The following GRSF1 variants were observed in gnomAD, a reference collection of about 807,000 sequenced individuals.
The protein encoded by GRSF1 is G-rich sequence factor 1.
In GRSF1, 50 loss-of-function variants were observed where a neutral mutation model predicts 51.1. That is an observed-to-expected ratio of 0.98 (90% CI 0.78 to 1.24). The LOEUF (loss-of-function observed/expected upper bound fraction) is 1.24. GRSF1 is among the 50% of genes most tolerant of loss of function. The pLI is 0.00. For synonymous variants in GRSF1, 293 were observed against 253.3 expected (o/e 1.16, Z -1.49); for missense variants, 700 against 639.7 (o/e 1.09, Z -1.02).
At chr4:70,839,949 T>C (rs960785383), upstream of GRSF1, 12 of 727,406 alleles carry the variant, frequency 1.6e-5, no homozygotes, top group Non-Finnish European at 2.4e-5. Flanking sequence ...GGGCACTGGG[T>C]GGGGGGCCTC....
Position 70,839,868 on chromosome 4 carries a change from A to G in GRSF1, c.-41T>C. The stretch of plus-strand genomic sequence containing the variant: ...CGCAGGGCCTGAAGGCAGCTGCTCC[A>G]GCAGCGATGGTGGAACGGAAGTGGA... On this transcript the variant is annotated 5_prime_UTR_variant, in exon 1 of 10. Coordinates refer to ENST00000254799, the MANE Select transcript of GRSF1 (RefSeq NM_002092.4). 1 of 1,434,386 alleles carries G rather than the reference A, an allele frequency of 7.0e-7. No individual in the cohort carries two copies. The highest frequency in any genetic ancestry group is 9.1e-7 in the Non-Finnish European group (1 of 1,102,338). 88.9% of individuals were successfully genotyped at this position (1,434,386 alleles called of 1,614,324 possible). A position where few individuals can be genotyped will look rare whatever the true frequency, so the allele number is the denominator to read the frequency against.
chr4:70,834,438 C>A (rs974363727), intron 2 of GRSF1, among the ~76,000 whole-genome samples: 34 of 152,190 alleles, frequency 2.2e-4, no homozygotes, highest in East Asian at 1.9e-4. Flanking sequence ...TTTCCACTGA[C>A]AGGCTTGACT....
rs1013973899 is a variant in GRSF1, at chr4:70,817,000, A to G, written c.*3887T>C. The G allele has an allele frequency of 6.6e-6, 1 of 152,108 alleles. No individual in the cohort carries two copies. Among genetic ancestry groups the G allele is most frequent in the Non-Finnish European group, 1.5e-5 (1 of 68,024 alleles). The allele number at this position is 152,108 out of a possible 1,614,324, so 9.4% of individuals were successfully genotyped here. A position where few individuals can be genotyped will look rare whatever the true frequency, so the allele number is the denominator to read the frequency against. ...AAATAGCATGTACAGTATAATTTAT[A>G]TTTTTAAAAGAAATGACAACACCCA... On this transcript the variant is annotated 3_prime_UTR_variant, in exon 10 of 10. Transcript: ENST00000254799.
intron 1 of GRSF1, 116 bp downstream of exon 1, chr4:70,839,355 G>GACGCGGA (rs1734362941): frequency 6.6e-7 from 1 of 1,505,348 alleles, no homozygotes; most frequent in Non-Finnish European, 8.9e-7. Context: ...TGCGGCGAGT[G>GACGCGGA]TCGCGGATCC....
upstream of GRSF1, among the ~76,000 whole-genome samples, chr4:70,840,391 A>G (rs1012361445): frequency 9.2e-5 from 14 of 152,214 alleles, no homozygotes; most frequent in African/African-American, 3.4e-4. Flanking sequence ...TTTGGCAGGC[A>G]GAGGCGGGTG....
At chr4:70,824,991 A>G (rs187987921) in intron 8 of GRSF1, among the ~76,000 whole-genome samples, 2 of 152,152 alleles carry the variant, frequency 1.3e-5, no homozygotes, top group East Asian at 3.9e-4. Context: ...AATCCCAGCT[A>G]CTCAGGTGGC....
At chr4:70,828,573 A>C (rs1733826989) in intron 5 of GRSF1, among the ~76,000 whole-genome samples, 1 of 151,752 alleles carries the variant, frequency 6.6e-6, no homozygotes, top group Non-Finnish European at 1.5e-5. Context: ...CTTCTGGAAC[A>C]ATTTTTTTTT....
intron 6 of GRSF1, among the ~76,000 whole-genome samples, chr4:70,827,060 G>A (rs958366923): frequency 2.6e-5 from 4 of 151,982 alleles, no homozygotes; most frequent in South Asian, 4.2e-4. Context: ...AGCAGAGGCC[G>A]GCAGATCACC....
At chr4:70,830,909 G>A (rs1733938822) in intron 5 of GRSF1, among the ~76,000 whole-genome samples, 1 of 151,950 alleles carries the variant, frequency 6.6e-6, no homozygotes, top group African/African-American at 2.4e-5. Flanking sequence ...AACAGTGTTA[G>A]ATATAACATT....
intron 5 of GRSF1, among the ~76,000 whole-genome samples, chr4:70,828,274 TTAA>T (rs1363504821): frequency 6.6e-6 from 1 of 152,232 alleles, no homozygotes; most frequent in Non-Finnish European, 1.5e-5. Flanking sequence ...CACATACATT[TTAA>T]TAATATTTTC....
intron 2 of GRSF1, among the ~76,000 whole-genome samples, chr4:70,835,484 T>C (rs1578307947): frequency 7.4e-6 from 1 of 135,914 alleles, no homozygotes; most frequent in African/African-American, 2.7e-5. Flanking sequence ...TGAGACAGAG[T>C]CTCACTCTGT....
At chr4:70,835,047 T>C (rs1199109271) in intron 2 of GRSF1, among the ~76,000 whole-genome samples, 1 of 152,180 alleles carries the variant, frequency 6.6e-6, no homozygotes, top group South Asian at 2.1e-4. Context: ...CATACAGTAT[T>C]AAGTTTAATG....
intron 5 of GRSF1, among the ~76,000 whole-genome samples, chr4:70,830,947 A>G (rs1385480228): frequency 2.0e-5 from 3 of 152,230 alleles, no homozygotes; most frequent in Non-Finnish European, 4.4e-5. Flanking sequence ...TTTTTTTAAA[A>G]GATGCATACT....
rs11419852 is a variant in GRSF1, at chr4:70,837,563, C to CAAAAAAA, written c.358-1256_358-1250dup. Among the ~76,000 whole-genome samples, 4 of 89,104 alleles carry CAAAAAAA rather than the reference C, an allele frequency of 4.5e-5. 1 individual carries two copies. The Admixed American group carries it at 5.7e-4, about 13-fold the overall frequency. 58.5% of individuals were successfully genotyped at this position (89,104 alleles called of 152,430 possible). A position where few individuals can be genotyped will look rare whatever the true frequency, so the allele number is the denominator to read the frequency against. On this transcript the variant is annotated intron_variant, in intron 1 of 9. Transcript: ENST00000254799. Reference sequence around the variant, plus strand: ...TGGGCAACAGAGCAAGACTCCGTCTCAAAAAAAAAAAAAAAAAAAGACTTG... The same window carrying CAAAAAAA: ...TGGGCAACAGAGCAAGACTCCGTCTCAAAAAAAAAAAAAAAAAAAAAAAAAAGACTTG...
At chr4:70,838,019 C>T (rs1487553914) in intron 1 of GRSF1, among the ~76,000 whole-genome samples, 1 of 151,442 alleles carries the variant, frequency 6.6e-6, no homozygotes, top group Non-Finnish European at 1.5e-5. Context: ...ATCACGAGGT[C>T]AGGAGATCGA....
At position 70,832,349 on chromosome 4, in the gene GRSF1, G is replaced by A. The variant is rs769824858; in HGVS notation, c.772C>T (p.Pro258Ser). ...NDGVVRLRGL[P>S]YSCNEKDIVD... ...ATGTCTTTCTCATTGCAACTATAAG[G>A]AAGTCCTCTCAAACGAACCACACCA... is the stretch of plus-strand genomic sequence containing the variant. The change falls in exon 4 of 10, where the codon CCT becomes TCT. Residue 258 changes from proline (P) to serine (S), a missense_variant. By Grantham distance (74) the Pro-to-Ser change is moderately conservative. Coordinates refer to ENST00000254799, the MANE Select transcript of GRSF1 (RefSeq NM_002092.4). The A allele has an allele frequency of 1.2e-6, 2 of 1,613,434 alleles. No homozygotes were observed. Among genetic ancestry groups the A allele is most frequent in the African/African-American group, 1.3e-5 (1 of 75,008 alleles).
intron 9 of GRSF1, among the ~76,000 whole-genome samples, chr4:70,822,191 A>G (rs1371425751): frequency 6.6e-6 from 1 of 152,208 alleles, no homozygotes; most frequent in African/African-American, 2.4e-5. Flanking sequence ...CTAAGGCAAA[A>G]AAAAAATGCC....
At position 70,833,232 on chromosome 4, in the gene GRSF1, G is replaced by A. The variant is rs749566614; in HGVS notation, c.556C>T (p.Leu186=). The part of the protein sequence containing the change: ...RNGENGIHFL[L]NRDGKRRGDA... Reference sequence around the variant, plus strand: ...CCCCTTCGTTTCCCATCTCTGTTTAGGAGAAAATGTATTCCATTCTCACCG... The same window carrying A: ...CCCCTTCGTTTCCCATCTCTGTTTAAGAGAAAATGTATTCCATTCTCACCG... The change falls in exon 3 of 10, where the codon CTA becomes TTA. Residue 186 remains leucine (L), a synonymous_variant. Transcript: ENST00000254799. 20 of 1,613,694 alleles carry A rather than the reference G, an allele frequency of 1.2e-5. No individual in the cohort carries two copies. Among genetic ancestry groups the A allele is most frequent in the Non-Finnish European group, 1.6e-5 (19 of 1,179,762 alleles).
intron 1 of GRSF1, among the ~76,000 whole-genome samples, chr4:70,837,089 T>C (rs1441927957): frequency 1.3e-5 from 2 of 152,198 alleles, no homozygotes; most frequent in South Asian, 2.1e-4. Flanking sequence ...CTTGGGAATA[T>C]TCCTCTGTCA....
Sources: gnomAD v4.1 joint callset for allele counts (sites outside exome capture counted in the v4.1 genomes callset) on GRCh38, gnomAD v4.1.1 for gene constraint, MANE v1.5 for transcripts, NCBI Gene and HGNC (gene_info 2026-07-23, HGNC 2026-07-21) for gene names.